TSPAN15: variants seen among roughly 807,000 people sequenced by gnomAD.
TSPAN15 encodes the protein tetraspanin 15, also known as tetraspanin-15.
In TSPAN15, 20 loss-of-function variants were observed where a neutral mutation model predicts 34.5. The ratio of observed to expected loss-of-function variants is 0.58; its 90% CI spans 0.41 to 0.84. The LOEUF (loss-of-function observed/expected upper bound fraction) is 0.84, where lower values mean the gene tolerates loss of function less well. Among genes scored for constraint, TSPAN15 ranks in the 40% least tolerant of loss-of-function variants. The pLI is 0.00. For synonymous variants in TSPAN15, 155 were observed against 153.9 expected (o/e 1.01, Z -0.05); for missense variants, 313 against 386.1 (o/e 0.81, Z 1.59).
chr10:69,510,819 A>G (rs574875230), downstream of TSPAN15, among the ~76,000 whole-genome samples: 2 of 152,338 alleles, frequency 1.3e-5, no homozygotes, highest in South Asian at 4.1e-4. Flanking sequence ...CTTTTTCTGC[A>G]TCTATTGAGA....
chr10:69,503,881 T>C (rs1455548162), intron 5 of TSPAN15, among the ~76,000 whole-genome samples: 1 of 152,104 alleles, frequency 6.6e-6, no homozygotes, highest in African/African-American at 2.4e-5. Flanking sequence ...CCTAAATTAA[T>C]CAGTAGTCGG....
the TSPAN15 span, among the ~76,000 whole-genome samples, chr10:69,517,894 G>C: frequency 6.6e-6 from 1 of 152,154 alleles, no homozygotes; most frequent in African/African-American, 2.4e-5. Context: ...TGGGAAAGGG[G>C]GTAGCTACAG....
chr10:69,501,041 A>G (rs1409510243), intron 5 of TSPAN15, among the ~76,000 whole-genome samples: 2 of 152,200 alleles, frequency 1.3e-5, no homozygotes, highest in Non-Finnish European at 2.9e-5. Context: ...CGATGAATGA[A>G]AGAGAGAAAT....
At chr10:69,490,894 G>A (rs1589645987) in intron 3 of TSPAN15, among the ~76,000 whole-genome samples, 2 of 152,148 alleles carry the variant, frequency 1.3e-5, no homozygotes, top group South Asian at 2.1e-4. Flanking sequence ...TTGAATCTGC[G>A]GGTACGGAAC....
At chr10:69,544,988 T>C in the TSPAN15 span, among the ~76,000 whole-genome samples, 151,647 of 152,336 alleles carry the variant, frequency 1, 75,483 homozygotes, top group East Asian at 1. Flanking sequence ...CTGAACTCCC[T>C]AGCTCCGAAG....
Position 69,451,526 on chromosome 10 carries a change from C to T in TSPAN15, c.-69C>T. Reference sequence around the variant, plus strand: ...AGCCCGGCAGCCGCAGGTGGGGCCACGAGCGCTGGCTGAGGGACCGAGCCG... The same window carrying T: ...AGCCCGGCAGCCGCAGGTGGGGCCATGAGCGCTGGCTGAGGGACCGAGCCG... On this transcript the variant is annotated 5_prime_UTR_variant, in exon 1 of 8. The change creates a new upstream start codon in the 5' untranslated region. Transcript: ENST00000373290. The T allele has an allele frequency of 7.7e-7, 1 of 1,293,240 alleles. No individual in the cohort carries two copies. The allele number at this position is 1,293,240 out of a possible 1,614,324, so 80.1% of individuals were successfully genotyped here. A position where few individuals can be genotyped will look rare whatever the true frequency, so the allele number is the denominator to read the frequency against.
intron 1 of TSPAN15, among the ~76,000 whole-genome samples, chr10:69,469,213 G>A (rs1430103870): frequency 6.6e-6 from 1 of 152,206 alleles, no homozygotes; most frequent in East Asian, 1.9e-4. Context: ...GGTGTTAAGG[G>A]GTGAGCGTGG....
intron 3 of TSPAN15, among the ~76,000 whole-genome samples, chr10:69,488,292 G>A (rs891563): frequency 0.14 from 21,895 of 152,078 alleles, 1,591 homozygotes; most frequent in South Asian, 0.18. Flanking sequence ...GGGGAGGAGC[G>A]GCCTGGCTGT....
At chr10:69,483,138 G>A (rs564495160) in intron 1 of TSPAN15, among the ~76,000 whole-genome samples, 189 of 152,216 alleles carry the variant, frequency 1.2e-3, no homozygotes, top group African/African-American at 4.3e-3. Flanking sequence ...ACAGGTGCCC[G>A]CCACTATGCC....
intron 3 of TSPAN15, among the ~76,000 whole-genome samples, chr10:69,493,546 C>G (rs1030669575): frequency 6.7e-6 from 1 of 148,514 alleles, no homozygotes; most frequent in Non-Finnish European, 1.5e-5. Flanking sequence ...CATCTCGGCT[C>G]ACTGCAACCT....
At chr10:69,536,583 G>A in the TSPAN15 span, among the ~76,000 whole-genome samples, 6 of 152,094 alleles carry the variant, frequency 3.9e-5, no homozygotes, top group Non-Finnish European at 5.9e-5. Context: ...AGGTGCTGGC[G>A]GGTTGGTTTC....
intron 5 of TSPAN15, 46 bp from the exon 6 acceptor site, chr10:69,504,392 A>G: frequency 6.3e-7 from 1 of 1,575,694 alleles, no homozygotes; most frequent in Non-Finnish European, 8.7e-7. Flanking sequence ...TGCCTTTTTG[A>G]GTTAGAACCA....
the TSPAN15 span, among the ~76,000 whole-genome samples, chr10:69,527,096 GA>G: frequency 1.4e-5 from 2 of 147,974 alleles, no homozygotes; most frequent in African/African-American, 2.5e-5. Context: ...TGAACAAATG[GA>G]TAAATAAGTT....
At chr10:69,459,997 A>G (rs911737920) in intron 1 of TSPAN15, among the ~76,000 whole-genome samples, 1 of 149,934 alleles carries the variant, frequency 6.7e-6, no homozygotes, top group South Asian at 2.1e-4. Context: ...GGAGCCTTGC[A>G]TTGCTCAGGG....
rs375919918 is a variant in TSPAN15, at chr10:69,506,104, C to T, written c.619-20C>T. 23 of 1,610,364 alleles carry T rather than the reference C, an allele frequency of 1.4e-5. No homozygotes were observed. The highest frequency in any genetic ancestry group is 2.0e-5 in the Non-Finnish European group (23 of 1,177,196). ...CAGCCGAGGTCCTCTGCTGGGCTGA[C>T]CCAGCTCCTTCCCATGCAGCGTTTC... On this transcript the variant is annotated intron_variant, in intron 6 of 7. Transcript: ENST00000373290. This position sits in a 1 kb window ranked among gnomAD's most constrained non-coding sequence, Gnocchi z 4.7.
chr10:69,495,673 A>G lies in TSPAN15; in HGVS notation c.437A>G (p.Asp146Gly). 6.2e-7 allele frequency: 1 copy of G among 1,613,886 alleles called. No individual in the cohort carries two copies. Among genetic ancestry groups the G allele is most frequent in the Non-Finnish European group, 8.5e-7 (1 of 1,179,752 alleles). The stretch of plus-strand genomic sequence containing the variant: ...GATCTGGACTTCAAAAACATCATGG[A>G]CTTTGTTCAGAAAAAGGTGAGCCAG... ...YDDLDFKNIM[D>G]FVQKKFKCCG... Residue 146 changes from aspartate (D) to glycine (G), a missense_variant, in exon 4 of 8, where the codon GAC becomes GGC. Asp to Gly is a moderately conservative substitution (Grantham distance 94, BLOSUM62 -1). Transcript: ENST00000373290.
chr10:69,539,464 G>GA, the TSPAN15 span, among the ~76,000 whole-genome samples: 2,308 of 50,204 alleles, frequency 0.046, 76 homozygotes, highest in East Asian at 0.13. Context: ...GAAGAAGAAG[G>GA]AGAAGGAGAA....
chr10:69,539,527 A>AAGGAGAAGG, the TSPAN15 span, among the ~76,000 whole-genome samples: 12 of 91,356 alleles, frequency 1.3e-4, no homozygotes, highest in African/African-American at 4.6e-4. Context: ...GAAGAAGAAG[A>AAGGAGAAGG]AGAAGAAGAA....
At chr10:69,474,807 C>A (rs1263027250) in intron 1 of TSPAN15, among the ~76,000 whole-genome samples, 1 of 152,162 alleles carries the variant, frequency 6.6e-6, no homozygotes, top group Non-Finnish European at 1.5e-5. Context: ...AGAGCTCCAA[C>A]CCCAGACAGA....
Sources: allele counts gnomAD v4.1 joint callset (sites outside exome capture counted in the v4.1 genomes callset), GRCh38; gene constraint gnomAD v4.1.1; non-coding constraint Gnocchi (gnomAD v3.1); transcripts MANE v1.5; gene names NCBI Gene and HGNC (gene_info 2026-07-23, HGNC 2026-07-21).